Variants in CNTNAP2 observed in about 807,000 individuals in gnomAD.
CNTNAP2 encodes contactin-associated protein-like 2.
Under a neutral mutation model 155.2 loss-of-function variants are expected in CNTNAP2, and 98 were observed. The ratio of observed to expected loss-of-function variants is 0.63; its 90% CI spans 0.54 to 0.75. The LOEUF is 0.75. Among genes scored for constraint, CNTNAP2 ranks in the 30% least tolerant of loss-of-function variants. The pLI is 0.00. For synonymous variants in CNTNAP2, 651 were observed against 631.2 expected (o/e 1.03, Z -0.47); for missense variants, 1,727 against 1,688.1 (o/e 1.02, Z -0.40).
At chr7:147,432,922 G>A (rs1394649339) in intron 10 of CNTNAP2, among the ~76,000 whole-genome samples, 1 of 152,168 alleles carries the variant, frequency 6.6e-6, no homozygotes, top group African/African-American at 2.4e-5. Flanking sequence ...GCATTCGCAT[G>A]GTTATTTGAA....
chr7:147,139,481 T>C (rs947543413), intron 8 of CNTNAP2, among the ~76,000 whole-genome samples: 1 of 152,052 alleles, frequency 6.6e-6, no homozygotes, highest in African/African-American at 2.4e-5. Context: ...CAGTCATTGG[T>C]TTGGAACCTT....
intron 6 of CNTNAP2, 163 bp downstream of exon 6, chr7:147,121,326 T>C: frequency 3.0e-6 from 2 of 666,446 alleles, no homozygotes; most frequent in South Asian, 4.0e-5. Flanking sequence ...CGTTTCATTT[T>C]ATTTCTAAAT....
chr7:147,292,979 G>A (rs1223464462), intron 8 of CNTNAP2, among the ~76,000 whole-genome samples: 1 of 152,108 alleles, frequency 6.6e-6, no homozygotes, highest in Non-Finnish European at 1.5e-5. Context: ...TGTTGGTCAG[G>A]CTGGTCTCAA....
At chr7:146,627,953 T>C (rs1799446912) in intron 1 of CNTNAP2, among the ~76,000 whole-genome samples, 2 of 152,156 alleles carry the variant, frequency 1.3e-5, no homozygotes, top group African/African-American at 4.8e-5. Context: ...TGGTACATTA[T>C]GTATATACAA....
intron 2 of CNTNAP2, among the ~76,000 whole-genome samples, chr7:146,816,669 C>T (rs1372168471): frequency 1.3e-5 from 2 of 152,140 alleles, no homozygotes; most frequent in East Asian, 1.9e-4. Context: ...TGCTTTTAAA[C>T]AGTAGGATAG....
At chr7:148,338,337 C>T (rs1319420219) in intron 21 of CNTNAP2, among the ~76,000 whole-genome samples, 1 of 152,094 alleles carries the variant, frequency 6.6e-6, no homozygotes, top group African/African-American at 2.4e-5. Context: ...TTTTGCAGAA[C>T]CTGTGTCTAT....
chr7:147,410,868 G>A (rs775025914), intron 10 of CNTNAP2, among the ~76,000 whole-genome samples: 5 of 152,170 alleles, frequency 3.3e-5, no homozygotes, highest in Non-Finnish European at 5.9e-5. Context: ...TGGCTCACAA[G>A]TTATTAATAT....
At chr7:147,462,528 G>A (rs1000576948) in intron 10 of CNTNAP2, among the ~76,000 whole-genome samples, 13 of 152,016 alleles carry the variant, frequency 8.6e-5, no homozygotes, top group Non-Finnish European at 1.8e-4. Flanking sequence ...TTCTCAAATG[G>A]AGCCCTAAAG....
intron 13 of CNTNAP2, among the ~76,000 whole-genome samples, chr7:147,844,654 G>A (rs1798798217): frequency 1.8e-5 from 1 of 55,330 alleles, no homozygotes; most frequent in Non-Finnish European, 3.5e-5. Flanking sequence ...GGTGAGAGAG[G>A]GCATCCCTGT....
chr7:148,177,950 T>C (rs1197358695), intron 18 of CNTNAP2, among the ~76,000 whole-genome samples: 1 of 152,092 alleles, frequency 6.6e-6, no homozygotes, highest in Non-Finnish European at 1.5e-5. Flanking sequence ...TTGACTCTTA[T>C]TGAGCAAACA....
intron 11 of CNTNAP2, among the ~76,000 whole-genome samples, chr7:147,514,460 T>C (rs1020562270): frequency 1.3e-5 from 2 of 152,080 alleles, no homozygotes; most frequent in Non-Finnish European, 2.9e-5. Context: ...ATTTGTTTCT[T>C]GTTTTTCAAG....
At chr7:146,321,489 C>T (rs556004497) in intron 1 of CNTNAP2, among the ~76,000 whole-genome samples, 2 of 152,084 alleles carry the variant, frequency 1.3e-5, no homozygotes, top group South Asian at 4.2e-4. Flanking sequence ...GCACCTTCCT[C>T]CACACTGAGA....
chr7:147,343,801 G>A (rs867886798), intron 9 of CNTNAP2, among the ~76,000 whole-genome samples: 32 of 152,186 alleles, frequency 2.1e-4, no homozygotes, highest in Middle Eastern at 6.8e-3. Flanking sequence ...TTATCTTCAT[G>A]TGAGTGTGTG....
At chr7:147,185,179 G>A (rs959034354) in intron 8 of CNTNAP2, among the ~76,000 whole-genome samples, 2 of 151,784 alleles carry the variant, frequency 1.3e-5, no homozygotes, top group Non-Finnish European at 2.9e-5. Flanking sequence ...AAAATCCCAG[G>A]AAAATAGAAA....
At chr7:148,277,547 C>T (rs2116854759) in intron 21 of CNTNAP2, among the ~76,000 whole-genome samples, 1 of 152,076 alleles carries the variant, frequency 6.6e-6, no homozygotes, top group South Asian at 2.1e-4. Flanking sequence ...CTCTTCTTCC[C>T]TCTCTACATG....
At chr7:146,418,586 G>C (rs1795968805) in intron 1 of CNTNAP2, among the ~76,000 whole-genome samples, 1 of 151,998 alleles carries the variant, frequency 6.6e-6, no homozygotes. Context: ...GGTACATAAT[G>C]CGTATTTATT....
At chr7:147,557,128 T>C (rs1799966807) in intron 11 of CNTNAP2, among the ~76,000 whole-genome samples, 1 of 151,798 alleles carries the variant, frequency 6.6e-6, no homozygotes, top group Non-Finnish European at 1.5e-5. Flanking sequence ...GCCAGACATG[T>C]TGGCAGGCAC....
intron 1 of CNTNAP2, among the ~76,000 whole-genome samples, chr7:146,700,585 T>A (rs1800860069): frequency 6.6e-6 from 1 of 152,116 alleles, no homozygotes; most frequent in Admixed American, 6.6e-5. Flanking sequence ...CTCTAGGCAG[T>A]GAAAATATAC....
intron 1 of CNTNAP2, among the ~76,000 whole-genome samples, chr7:146,190,533 G>A (rs12703788): frequency 0.29 from 43,973 of 151,950 alleles, 7,208 homozygotes; most frequent in African/African-American, 0.44. Context: ...CCACATCCCT[G>A]TGGTACCAAA....
Sources: gnomAD v4.1 joint callset for allele counts (sites outside exome capture counted in the v4.1 genomes callset) on GRCh38, gnomAD v4.1.1 for gene constraint, MANE v1.5 for transcripts, NCBI Gene and HGNC (gene_info 2026-07-23, HGNC 2026-07-21) for gene names.